The following CHRNA7 variants were observed in gnomAD, a reference collection of about 807,000 sequenced individuals.
CHRNA7 encodes neuronal acetylcholine receptor subunit alpha-7.
Under a neutral mutation model 48.0 loss-of-function variants are expected in CHRNA7, and 17 were observed. The observed-to-expected ratio is 0.35, with a 90% CI of 0.24 to 0.53. CHRNA7 has a LOEUF of 0.53. Ranked by LOEUF, CHRNA7 falls within the 20% of genes least tolerant of loss-of-function variation. The probability of loss-of-function intolerance (pLI) is 0.92; values close to 1 mark genes in which losing one functional copy is unlikely to be tolerated. For synonymous variants in CHRNA7, 75 were observed against 242.3 expected, an observed-to-expected ratio of 0.31 and a Z score of 6.41; for missense variants, 155 against 577.7, an observed-to-expected ratio of 0.27 and a Z score of 7.50.
chr15:32,136,904 C>T (rs527653446), intron 4 of CHRNA7, among the ~76,000 whole-genome samples: 9 of 148,008 alleles, frequency 6.1e-5, no homozygotes, highest in Non-Finnish European at 1.0e-4. Flanking sequence ...TGGTGGCGGG[C>T]GCCTGTAGTC....
chr15:32,079,027 A>G (rs1021419655), intron 2 of CHRNA7, among the ~76,000 whole-genome samples: 2 of 152,236 alleles, frequency 1.3e-5, no homozygotes, highest in Non-Finnish European at 1.5e-5. Context: ...AGTTCGTCAC[A>G]TACACAGAAC....
chr15:32,125,549 A>C (rs929654790), intron 4 of CHRNA7, among the ~76,000 whole-genome samples: 1 of 152,108 alleles, frequency 6.6e-6, no homozygotes, highest in African/African-American at 2.4e-5. Flanking sequence ...TTCTGGGGTC[A>C]AGAGGGGACA....
chr15:32,097,475 G>A (rs1270606285), intron 2 of CHRNA7, among the ~76,000 whole-genome samples: 1 of 152,160 alleles, frequency 6.6e-6, no homozygotes, highest in Non-Finnish European at 1.5e-5. Context: ...CGAGGACACA[G>A]TGAAAGGTGG....
At chr15:32,150,929 A>G (rs917616478) in intron 4 of CHRNA7, among the ~76,000 whole-genome samples, 6 of 150,530 alleles carry the variant, frequency 4.0e-5, no homozygotes, top group African/African-American at 7.3e-5. Flanking sequence ...CTCTTTCCCT[A>G]TGTGTTTTTG....
chr15:32,054,162 AG>A (rs923901901), intron 2 of CHRNA7, among the ~76,000 whole-genome samples: 2 of 152,200 alleles, frequency 1.3e-5, no homozygotes, highest in Non-Finnish European at 2.9e-5. Context: ...TTGTTAAATG[AG>A]TTTATAATCT....
At chr15:32,097,315 A>C (rs2050487719) in intron 2 of CHRNA7, among the ~76,000 whole-genome samples, 2 of 152,096 alleles carry the variant, frequency 1.3e-5, no homozygotes, top group South Asian at 4.1e-4. Context: ...AATGGTCTGA[A>C]TGTTTTTTTC....
intron 4 of CHRNA7, among the ~76,000 whole-genome samples, chr15:32,138,673 G>T (rs1595490565): frequency 6.6e-6 from 1 of 151,844 alleles, no homozygotes; most frequent in East Asian, 1.9e-4. Context: ...AAAATCCTCG[G>T]TGCTCCACCT....
chr15:32,065,280 T>C (rs1183966787), intron 2 of CHRNA7, among the ~76,000 whole-genome samples: 1 of 152,162 alleles, frequency 6.6e-6, no homozygotes, highest in Non-Finnish European at 1.5e-5. Flanking sequence ...AGCCTTTCTG[T>C]CACCAAAGTG....
intron 2 of CHRNA7, among the ~76,000 whole-genome samples, chr15:32,088,398 T>C (rs1490015879): frequency 1.3e-5 from 2 of 152,324 alleles, no homozygotes; most frequent in South Asian, 2.1e-4. Context: ...GCTATAAACA[T>C]GTGCAGGTTT....
intron 3 of CHRNA7, among the ~76,000 whole-genome samples, chr15:32,108,643 T>C (rs2050711908): frequency 6.6e-6 from 1 of 152,124 alleles, no homozygotes; most frequent in Admixed American, 6.5e-5. Context: ...CAGCATGAGG[T>C]TCCCACTGCA....
intron 2 of CHRNA7, among the ~76,000 whole-genome samples, chr15:32,094,040 G>A (rs1448733322): frequency 6.6e-6 from 1 of 152,150 alleles, no homozygotes; most frequent in African/African-American, 2.4e-5. Context: ...TCGGGGTGCT[G>A]TGTTTTAAAG....
chr15:32,052,538 G>T (rs2049709022), intron 2 of CHRNA7, among the ~76,000 whole-genome samples: 1 of 152,112 alleles, frequency 6.6e-6, no homozygotes, highest in South Asian at 2.1e-4. Flanking sequence ...AGACCATCTT[G>T]GCCAACATGG....
At chr15:32,048,816 A>G (rs1036044905) in intron 2 of CHRNA7, among the ~76,000 whole-genome samples, 2 of 151,464 alleles carry the variant, frequency 1.3e-5, no homozygotes, top group Admixed American at 6.6e-5. Flanking sequence ...TAGTGCTATA[A>G]ATTTCCCTGT....
chr15:32,117,389 A>T (rs2050891405), intron 4 of CHRNA7, among the ~76,000 whole-genome samples: 1 of 152,090 alleles, frequency 6.6e-6, no homozygotes, highest in Admixed American at 6.5e-5. Context: ...AGAGCTGCAG[A>T]TGCTTGCAGT....
At chr15:32,135,132 G>C (rs555720777) in intron 4 of CHRNA7, among the ~76,000 whole-genome samples, 3 of 152,340 alleles carry the variant, frequency 2.0e-5, no homozygotes, top group Admixed American at 2.0e-4. Flanking sequence ...CCCCCCAGGA[G>C]AGGCTGTGCC....
At chr15:32,055,308 C>T (rs746672830) in intron 2 of CHRNA7, among the ~76,000 whole-genome samples, 17 of 151,522 alleles carry the variant, frequency 1.1e-4, no homozygotes, top group Non-Finnish European at 1.9e-4. Context: ...GATATAAACC[C>T]GTAGTCATTG....
chr15:32,091,423 C>T (rs1453811343), intron 2 of CHRNA7, among the ~76,000 whole-genome samples: 40 of 152,100 alleles, frequency 2.6e-4, no homozygotes, highest in East Asian at 1.9e-4. Flanking sequence ...TCAAGTTTTA[C>T]TGGTCTAGAA....
intron 2 of CHRNA7, among the ~76,000 whole-genome samples, chr15:32,090,261 T>G (rs187540157): frequency 1.8e-4 from 28 of 152,334 alleles, no homozygotes; most frequent in African/African-American, 6.0e-4. Context: ...GTAGGCTTTT[T>G]TGTGGAGAAG....
intron 2 of CHRNA7, among the ~76,000 whole-genome samples, chr15:32,088,259 G>A (rs1196538126): frequency 1.3e-5 from 2 of 152,110 alleles, no homozygotes; most frequent in Non-Finnish European, 2.9e-5. Flanking sequence ...ATCTTTCATG[G>A]CTTGATAGCT....
Sources: gnomAD v4.1 joint callset for allele counts (sites outside exome capture counted in the v4.1 genomes callset) on GRCh38, gnomAD v4.1.1 for gene constraint, MANE v1.5 for transcripts, NCBI Gene and HGNC (gene_info 2026-07-23, HGNC 2026-07-21) for gene names.